The following IL1RAPL1 variants were observed in gnomAD, a reference collection of about 807,000 sequenced individuals.
IL1RAPL1 encodes interleukin 1 receptor accessory protein like 1, also known as interleukin-1 receptor accessory protein-like 1.
A neutral mutation model predicts 48.4 loss-of-function variants in IL1RAPL1; 3 were observed. The observed-to-expected ratio is 0.06, with a 90% CI of 0.03 to 0.16. IL1RAPL1 has a LOEUF of 0.16. IL1RAPL1 is among the 10% of genes least tolerant of loss of function. The probability of loss-of-function intolerance (pLI) is 1.00; values close to 1 mark genes in which losing one functional copy is unlikely to be tolerated. For synonymous variants in IL1RAPL1, 185 were observed against 187.7 expected, an observed-to-expected ratio of 0.99 and a Z score of 0.12; for missense variants, 349 against 530.6, an observed-to-expected ratio of 0.66 and a Z score of 3.36.
intron 1 of IL1RAPL1, among the ~76,000 whole-genome samples, chrX:28,597,584 A>G (rs1480085399): frequency 9.1e-6 from 1 of 110,354 alleles, no homozygotes; most frequent in East Asian, 2.9e-4. Flanking sequence ...ATACAAAATT[A>G]GCCGGGCATG....
At chrX:29,389,122 C>T (rs1317707731) in intron 3 of IL1RAPL1, among the ~76,000 whole-genome samples, 3 of 110,316 alleles carry the variant, frequency 2.7e-5, no homozygotes, top group Non-Finnish European at 5.7e-5. Context: ...TTTGGGAGGC[C>T]GAGGCAGGTG....
intron 1 of IL1RAPL1, among the ~76,000 whole-genome samples, chrX:28,698,160 A>G (rs183870678): frequency 8.1e-4 from 91 of 111,817 alleles, no homozygotes; most frequent in African/African-American, 2.9e-3. Flanking sequence ...TCTGAAATAA[A>G]GGTGAAAGTG....
chrX:29,041,394 A>G (rs867170459), intron 2 of IL1RAPL1, among the ~76,000 whole-genome samples: 1 of 112,023 alleles, frequency 8.9e-6, no homozygotes, highest in Non-Finnish European at 1.9e-5. Context: ...TGCTAGGTCC[A>G]CTGATACAGC....
At chrX:29,812,752 GC>G (rs762983499) in intron 6 of IL1RAPL1, among the ~76,000 whole-genome samples, 3 of 111,549 alleles carry the variant, frequency 2.7e-5, no homozygotes, top group African/African-American at 9.7e-5. Flanking sequence ...CCATAGACAA[GC>G]TTTACCCATT....
intron 2 of IL1RAPL1, among the ~76,000 whole-genome samples, chrX:28,962,317 A>G (rs1022455725): frequency 8.9e-6 from 1 of 111,913 alleles, no homozygotes; most frequent in Non-Finnish European, 1.9e-5. Flanking sequence ...AATAATGTTG[A>G]AGATCCTTTG....
In IL1RAPL1 at chrX:28,687,971, A is replaced by G. The variant is rs895712611; in HGVS notation, c.-25+99924A>G. On this transcript the variant is annotated intron_variant, in intron 1 of 10. Coordinates refer to ENST00000378993, the MANE Select transcript of IL1RAPL1 (RefSeq NM_014271.4). ...ACAAAAATTATCCAGGCGTGGTGGT[A>G]CATGCTACAGTAATCCTAGCTACTC... 4.6e-5 allele frequency among the ~76,000 whole-genome samples: 5 copies of G among 107,648 alleles called. No individual in the cohort carries two copies. The Admixed American group carries it at 5.0e-4, about 11-fold the overall frequency. The allele number at this position is 107,648 out of a possible 115,157, so 93.5% of individuals were successfully genotyped here. A position where few individuals can be genotyped will look rare whatever the true frequency, so the allele number is the denominator to read the frequency against.
intron 1 of IL1RAPL1, among the ~76,000 whole-genome samples, chrX:28,631,923 A>G (rs1193048113): frequency 1.8e-5 from 2 of 112,627 alleles, no homozygotes; most frequent in Non-Finnish European, 3.7e-5. Context: ...CTCATGAGCT[A>G]TACCTCTTTG....
chrX:29,854,306 A>G (rs1457473892), intron 6 of IL1RAPL1, among the ~76,000 whole-genome samples: 2 of 111,952 alleles, frequency 1.8e-5, no homozygotes, highest in African/African-American at 6.5e-5. Context: ...ACTGGTACCT[A>G]AACACTGAGC....
At chrX:29,381,793 G>A (rs1444444657) in intron 3 of IL1RAPL1, among the ~76,000 whole-genome samples, 1 of 88,026 alleles carries the variant, frequency 1.1e-5, no homozygotes, top group Non-Finnish European at 2.1e-5. Flanking sequence ...TCTGGCCTGG[G>A]TGACAGAGCA....
chrX:28,718,965 A>T (rs1022982982), intron 1 of IL1RAPL1, among the ~76,000 whole-genome samples: 1 of 111,696 alleles, frequency 9.0e-6, no homozygotes, highest in African/African-American at 3.2e-5. Flanking sequence ...ATTTGTTGTT[A>T]TGTTTGTCTG....
At chrX:28,885,873 TACAA>T (rs1279538972) in intron 2 of IL1RAPL1, among the ~76,000 whole-genome samples, 2 of 111,673 alleles carry the variant, frequency 1.8e-5, no homozygotes, top group Non-Finnish European at 3.8e-5. Flanking sequence ...ATATAATAGA[TACAA>T]ACCAGTAAGA....
chrX:28,778,035 G>T (rs974750890), intron 1 of IL1RAPL1, among the ~76,000 whole-genome samples: 2 of 111,523 alleles, frequency 1.8e-5, no homozygotes, highest in Non-Finnish European at 3.8e-5. Flanking sequence ...CATCACGTGG[G>T]TCATCAGTCT....
intron 6 of IL1RAPL1, among the ~76,000 whole-genome samples, chrX:29,720,151 G>T (rs1284224916): frequency 9.0e-6 from 1 of 111,725 alleles, no homozygotes; most frequent in Non-Finnish European, 1.9e-5. Context: ...TTACACTGTT[G>T]GTGGGAGTGT....
chrX:29,749,804 T>C (rs1168160777), intron 6 of IL1RAPL1, among the ~76,000 whole-genome samples: 1 of 112,413 alleles, frequency 8.9e-6, no homozygotes, highest in Non-Finnish European at 1.9e-5. Flanking sequence ...CACCCTACAG[T>C]GTTCCAGTCT....
intron 2 of IL1RAPL1, among the ~76,000 whole-genome samples, chrX:29,119,620 C>G (rs1474345088): frequency 9.0e-6 from 1 of 111,279 alleles, no homozygotes; most frequent in Admixed American, 9.6e-5. Flanking sequence ...GAACTAGTTC[C>G]AGGGTACAAA....
At chrX:28,843,254 G>C (rs189915268) in intron 2 of IL1RAPL1, among the ~76,000 whole-genome samples, 1 of 108,124 alleles carries the variant, frequency 9.2e-6, no homozygotes, top group African/African-American at 3.4e-5. Context: ...TGAGCTGAAC[G>C]TAAAAGATAG....
chrX:28,798,359 T>C lies in IL1RAPL1; in HGVS notation c.82+8934T>C, dbSNP rs139275449. Among the ~76,000 whole-genome samples, 494 of 111,740 alleles carry C rather than the reference T, an allele frequency of 4.4e-3. 2 individuals are homozygous for C. Among genetic ancestry groups the C allele is most frequent in the African/African-American group, 0.015 (448 of 30,754 alleles). ...TTTTAACAAATTGCTACAAATATAGTGACTTAAAGCAACACAAATTTATTA... is the reference window on the plus strand; with the variant it reads ...TTTTAACAAATTGCTACAAATATAGCGACTTAAAGCAACACAAATTTATTA... On this transcript the variant is annotated intron_variant, in intron 2 of 10. Coordinates refer to ENST00000378993, the MANE Select transcript of IL1RAPL1 (RefSeq NM_014271.4).
intron 3 of IL1RAPL1, among the ~76,000 whole-genome samples, chrX:29,338,850 G>GC (rs1408731996): frequency 1.8e-5 from 2 of 110,123 alleles, no homozygotes; most frequent in African/African-American, 6.6e-5. Flanking sequence ...GATTCTTGGT[G>GC]CCCCCCATTT....
intron 6 of IL1RAPL1, among the ~76,000 whole-genome samples, chrX:29,854,547 G>A (rs947734888): frequency 3.6e-5 from 4 of 111,441 alleles, no homozygotes; most frequent in African/African-American, 1.3e-4. Flanking sequence ...CAGGATTGGG[G>A]GCTGGTCTGG....
Sources: gnomAD v4.1 joint callset for allele counts (sites outside exome capture counted in the v4.1 genomes callset) on GRCh38, gnomAD v4.1.1 for gene constraint, MANE v1.5 for transcripts, NCBI Gene and HGNC (gene_info 2026-07-23, HGNC 2026-07-21) for gene names.